RGS9: variants seen among roughly 807,000 people sequenced by gnomAD.
RGS9 encodes regulator of G protein signaling 9.
Under a neutral mutation model 102.0 loss-of-function variants are expected in RGS9, and 78 were observed. That is an observed-to-expected ratio of 0.76 (90% CI 0.64 to 0.92). The LOEUF is 0.92. Ranked by LOEUF, RGS9 falls within the 40% of genes least tolerant of loss-of-function variation. RGS9 has a pLI of 0.00. For synonymous variants in RGS9, 353 were observed against 318.6 expected, an observed-to-expected ratio of 1.11 and a Z score of -1.15; for missense variants, 833 against 866.1, an observed-to-expected ratio of 0.96 and a Z score of 0.48.
chr17:65,185,918 G>A (rs1347547877), intron 9 of RGS9, among the ~76,000 whole-genome samples: 1 of 152,214 alleles, frequency 6.6e-6, no homozygotes, highest in Non-Finnish European at 1.5e-5. Flanking sequence ...AGAACACCAG[G>A]CAGCCAGGAT....
chr17:65,145,615 G>A (rs1910329691), intron 1 of RGS9, among the ~76,000 whole-genome samples: 2 of 150,516 alleles, frequency 1.3e-5, no homozygotes, highest in Non-Finnish European at 3.0e-5. Context: ...GGCTGGTCTC[G>A]AACTCCTGAC....
intron 12 of RGS9, 111 bp from the exon 13 acceptor site, chr17:65,197,015 G>T: frequency 1.4e-6 from 1 of 732,836 alleles, no homozygotes. Context: ...ATTGGGAGGA[G>T]GAGGATTGAA....
intron 1 of RGS9, among the ~76,000 whole-genome samples, chr17:65,140,148 G>T (rs79809901): frequency 5.9e-5 from 9 of 152,330 alleles, no homozygotes; most frequent in Admixed American, 2.0e-4. Context: ...TGCCAGTCAC[G>T]CAGCACTAGG....
chr17:65,202,079 A>G lies in RGS9; in HGVS notation c.1063A>G (p.Lys355Glu). The change falls in exon 14 of 19, where the codon AAG (lysine) becomes GAG (glutamate). Residue 355 changes from lysine to glutamate, a missense_variant and splice_region_variant. Physicochemically the swap from Lys to Glu is moderately conservative, Grantham distance 56. Around this residue, in one of 3 missense-constraint regions of RGS9, gnomAD observed 185 missense variants for 248.7 expected, o/e 0.74. Coordinates refer to ENST00000262406, the MANE Select transcript of RGS9 (RefSeq NM_003835.4). ...KVKEKAEEIY[K>E]LFLAPGARRW... is the part of the protein sequence containing the mutation. ...CAAGGAGAAAGCAGAGGAGATTTAC[A>G]AGTGAGCATCAGCCAGGGTGCTGGA... 6.2e-7 allele frequency: 1 copy of G among 1,609,758 alleles called. No individual in the cohort carries two copies. Among genetic ancestry groups the G allele is most frequent in the Non-Finnish European group, 8.5e-7 (1 of 1,176,230 alleles).
intron 9 of RGS9, chr17:65,180,144 AT>A: frequency 6.6e-6 from 1 of 152,052 alleles, no homozygotes; most frequent in East Asian, 1.9e-4. Flanking sequence ...TGTCTGCAAC[AT>A]TTTCCACTGT....
intron 17 of RGS9, among the ~76,000 whole-genome samples, chr17:65,215,496 CGTTCTTTCT>C (rs1567893283): frequency 1.6e-4 from 18 of 109,980 alleles, no homozygotes; most frequent in African/African-American, 8.8e-4. Context: ...TTCGTTCTTT[CGTTCTTTCT>C]TTCTTTCTTT....
rs921756520 is a variant in RGS9, at chr17:65,178,330, TA to T, written c.654+536del. ...TAAAGATTCTCCAAGCAGGTTTCAT[TA>T]AAAAAAAATACCTTTCCTCAAATAG... On this transcript the variant is annotated intron_variant, in intron 9 of 18. Coordinates refer to ENST00000262406, the MANE Select transcript of RGS9 (RefSeq NM_003835.4). Among the ~76,000 whole-genome samples the T allele has an allele frequency of 1.5e-3, 227 of 150,824 alleles. 2 individuals are homozygous for T. The highest frequency in any genetic ancestry group is 5.2e-3 in the African/African-American group (215 of 41,184).
intron 9 of RGS9, among the ~76,000 whole-genome samples, chr17:65,186,116 T>C (rs1912105208): frequency 6.7e-6 from 1 of 150,330 alleles, no homozygotes; most frequent in Admixed American, 6.6e-5. Context: ...TTTCTGGTAC[T>C]TGTATTTTGT....
Position 65,224,794 on chromosome 17 carries a change from G to A in RGS9, c.1408-208G>A, listed in dbSNP as rs372566159. Among the ~76,000 whole-genome samples the A allele has an allele frequency of 2.9e-3, 439 of 152,338 alleles. 2 individuals carry two copies. Among genetic ancestry groups the A allele is most frequent in the African/African-American group, 0.01 (421 of 41,580 alleles). ...GGACTGTGACCAGGGCTGGGCGACA[G>A]GCAGGTCCCTGGACAGGAGGCCTCT... On this transcript the variant is annotated intron_variant, in intron 17 of 18. Coordinates refer to ENST00000262406, the MANE Select transcript of RGS9 (RefSeq NM_003835.4).
chr17:65,200,361 T>A (rs1471027989), intron 13 of RGS9, among the ~76,000 whole-genome samples: 4 of 152,210 alleles, frequency 2.6e-5, no homozygotes, highest in African/African-American at 9.7e-5. Context: ...GGCCAAATGA[T>A]ATTCCCTTGT....
chr17:65,181,447 A>G (rs1186342168), intron 9 of RGS9, among the ~76,000 whole-genome samples: 1 of 152,228 alleles, frequency 6.6e-6, no homozygotes, highest in Non-Finnish European at 1.5e-5. Flanking sequence ...CGTCAACCAT[A>G]AGGAGGAAAG....
At position 65,227,432 on chromosome 17, in the gene RGS9, G is replaced by C. The variant is rs369864868; in HGVS notation, c.*25G>C. ...AGGAAAGAGGCAGGCTGAGCTGGGGGCTCTGGACCAGGAAGATGCTCTGAC... is the reference window on the plus strand; with the variant it reads ...AGGAAAGAGGCAGGCTGAGCTGGGGCCTCTGGACCAGGAAGATGCTCTGAC... On this transcript the variant is annotated 3_prime_UTR_variant, in exon 19 of 19. Coordinates refer to ENST00000262406, the MANE Select transcript of RGS9 (RefSeq NM_003835.4). 2.3e-5 allele frequency: 37 copies of C among 1,603,848 alleles called. No individual in the cohort carries two copies. The highest frequency in any genetic ancestry group is 2.9e-5 in the Non-Finnish European group (34 of 1,174,824).
chr17:65,160,990 A>T (rs1263291607), intron 6 of RGS9, 81 bp downstream of exon 6: 1 of 1,154,042 alleles, frequency 8.7e-7, no homozygotes, highest in Non-Finnish European at 1.3e-6. Flanking sequence ...TTCCCACATC[A>T]CTACATTCAT....
At chr17:65,198,403 G>A (rs1247948426) in intron 13 of RGS9, among the ~76,000 whole-genome samples, 7 of 151,980 alleles carry the variant, frequency 4.6e-5, no homozygotes, top group South Asian at 2.1e-4. Flanking sequence ...CTATAGGCAC[G>A]TGCCACCACA....
rs776577692 is a variant in RGS9, at chr17:65,193,684, T to TA, written c.860+34dup. The TA allele has an allele frequency of 1.6e-5, 23 of 1,418,954 alleles. No individual in the cohort carries two copies. In the South Asian group the frequency reaches 2.4e-4, roughly 15 times the overall value. The allele number at this position is 1,418,954 out of a possible 1,614,324, so 87.9% of individuals were successfully genotyped here. A position where few individuals can be genotyped will look rare whatever the true frequency, so the allele number is the denominator to read the frequency against. Reference sequence around the variant, plus strand: ...ATGTATTTTATATATTGGTGTTTTTTAAAAAACCGTTTTTGAGTTACAATT... The same window carrying TA: ...ATGTATTTTATATATTGGTGTTTTTTAAAAAAACCGTTTTTGAGTTACAATT... On this transcript the variant is annotated intron_variant, in intron 12 of 18. Coordinates refer to ENST00000262406, the MANE Select transcript of RGS9 (RefSeq NM_003835.4).
rs180687428 is a variant in RGS9, at chr17:65,188,958, A to G, written c.655-328A>G. On this transcript the variant is annotated intron_variant, in intron 9 of 18. Transcript: ENST00000262406. The stretch of plus-strand genomic sequence containing the variant: ...ATCCATATCTCAGACAGGAATCTGT[A>G]TCTCTCACTCTACAGATCATTCTGT... 269 of 361,932 alleles carry G rather than the reference A, an allele frequency of 7.4e-4. 1 individual carries two copies. The highest frequency in any genetic ancestry group is 1.7e-3 in the Admixed American group (40 of 22,966). 22.4% of individuals were successfully genotyped at this position (361,932 alleles called of 1,614,324 possible). A position where few individuals can be genotyped will look rare whatever the true frequency, so the allele number is the denominator to read the frequency against.
In RGS9 at chr17:65,173,602, G is replaced by A. The variant is rs1911503890; in HGVS notation, c.583-4130G>A. 6.6e-6 allele frequency among the ~76,000 whole-genome samples: 1 copy of A among 152,226 alleles called. No homozygotes were observed. Among genetic ancestry groups the A allele is most frequent in the Non-Finnish European group, 1.5e-5 (1 of 68,038 alleles). The stretch of plus-strand genomic sequence containing the variant: ...CAGTTCCTCAGGGTGGAGGAGGGGA[G>A]CTTGCATGTCTCTGAAGGCTTCCTG... On this transcript the variant is annotated intron_variant, in intron 8 of 18. Coordinates refer to ENST00000262406, the MANE Select transcript of RGS9 (RefSeq NM_003835.4). This position sits in a 1 kb window ranked among gnomAD's most constrained non-coding sequence, Gnocchi z 4.8.
intron 14 of RGS9, among the ~76,000 whole-genome samples, 160 bp downstream of exon 14, chr17:65,202,240 C>T (rs1346529614): frequency 6.6e-6 from 1 of 152,072 alleles, no homozygotes; most frequent in African/African-American, 2.4e-5. Flanking sequence ...AAATAGTTCC[C>T]CGCTGCTTTG....
intron 13 of RGS9, among the ~76,000 whole-genome samples, chr17:65,201,245 T>G (rs1011644919): frequency 6.6e-6 from 1 of 152,182 alleles, no homozygotes; most frequent in East Asian, 1.9e-4. Context: ...AACCTCGAGT[T>G]GGAGGGAGAT....
Sources: allele counts gnomAD v4.1 joint callset (sites outside exome capture counted in the v4.1 genomes callset), GRCh38; gene constraint gnomAD v4.1.1; regional missense constraint gnomAD v4.1.1; non-coding constraint Gnocchi (gnomAD v3.1); transcripts MANE v1.5; gene names NCBI Gene and HGNC (gene_info 2026-07-23, HGNC 2026-07-21).